Variants in FUS observed in about 807,000 individuals in gnomAD.
The protein encoded by FUS is FUS RNA binding protein.
FUS carries 5 observed loss-of-function variants against 82.7 expected under a neutral mutation model. The observed-to-expected ratio is 0.06, with a 90% CI of 0.03 to 0.13. FUS has a LOEUF of 0.13. FUS is among the 10% of genes least tolerant of loss of function. The probability of loss-of-function intolerance (pLI) is 1.00; values close to 1 mark genes in which losing one functional copy is unlikely to be tolerated. For synonymous variants in FUS, 281 were observed against 247.4 expected (o/e 1.14, Z -1.27); for missense variants, 512 against 707.8 (o/e 0.72, Z 3.14).
intron 6 of FUS, 165 bp from the exon 7 acceptor site, chr16:31,186,637 A>C: frequency 1.4e-6 from 1 of 690,418 alleles, no homozygotes; most frequent in South Asian, 1.6e-5. Flanking sequence ...TGACATGCTC[A>C]AAGGTCAGAC....
chr16:31,194,583 G>A (rs1332224014), downstream of FUS: 2 of 498,974 alleles, frequency 4.0e-6, no homozygotes, highest in Non-Finnish European at 3.9e-6. Flanking sequence ...TGGGATTAAG[G>A]TGTGAGATAC....
intron 8 of FUS, chr16:31,188,817 A>C: frequency 6.2e-6 from 3 of 483,786 alleles, no homozygotes; most frequent in Non-Finnish European, 3.7e-6. Flanking sequence ...GGGGACCTTC[A>C]ACTGAAAGTT....
At chr16:31,188,839 A>G in intron 8 of FUS, 1 of 510,536 alleles carries the variant, frequency 2.0e-6, no homozygotes, top group Non-Finnish European at 3.5e-6. Context: ...ATAAATACTG[A>G]TGGACTTTTC....
intron 12 of FUS, 65 bp downstream of exon 12, chr16:31,190,463 A>G: frequency 6.2e-7 from 1 of 1,608,312 alleles, no homozygotes; most frequent in Non-Finnish European, 8.5e-7. Flanking sequence ...ATTGGTACTG[A>G]GGTATGTGCG....
chr16:31,185,607 C>T (rs1230036551), intron 6 of FUS: 9 of 506,142 alleles, frequency 1.8e-5, no homozygotes, highest in Non-Finnish European at 3.1e-5. Flanking sequence ...GTTAACCTGA[C>T]TTCAGCTTCC....
downstream of FUS, chr16:31,191,959 C>G (rs1323250526): frequency 9.4e-6 from 5 of 533,224 alleles, no homozygotes; most frequent in South Asian, 4.6e-5. Context: ...TGGTGAGGCT[C>G]AAACAAACTA....
rs1170354879 is a variant in FUS at position 31,190,074 on chromosome 16, A to T, written c.1101A>T (p.Ser367=). 1 of 1,613,522 alleles carries T rather than the reference A, an allele frequency of 6.2e-7. No individual in the cohort carries two copies. Among genetic ancestry groups the T allele is most frequent in the Non-Finnish European group, 8.5e-7 (1 of 1,179,704 alleles). Reference sequence around the variant, plus strand: ...TCTCCGGAAATCCTATCAAGGTCTCATTTGCTACTCGCCGGGCAGACTTTA... The same window carrying T: ...TCTCCGGAAATCCTATCAAGGTCTCTTTTGCTACTCGCCGGGCAGACTTTA... ...KEFSGNPIKV[S]FATRRADFNR... is the part of the protein sequence containing the mutation. Residue 367 remains serine (S), a synonymous_variant, in exon 11 of 15, where the codon TCA becomes TCT. Transcript: ENST00000254108.
rs776940097 is a variant in FUS, at chr16:31,182,688, C to T, written c.190+24C>T. 12 of 1,613,820 alleles carry T rather than the reference C, an allele frequency of 7.4e-6. 1 individual carries two copies. Among genetic ancestry groups the T allele is most frequent in the South Asian group, 6.6e-5 (6 of 91,068 alleles). The stretch of plus-strand genomic sequence containing the variant: ...CAGTGAGTCTTTCTCAGCGGGTCAC[C>T]TCTTCCTACTCTTTCTGAATATTGC... On this transcript the variant is annotated intron_variant, in intron 3 of 14. Transcript: ENST00000254108.
chr16:31,190,905 G>T, intron 13 of FUS, 58 bp from the exon 14 acceptor site: 2 of 1,612,780 alleles, frequency 1.2e-6, no homozygotes, highest in Non-Finnish European at 1.7e-6. Flanking sequence ...TTTCAGCGGG[G>T]AGGCTCGGGG....
In FUS at chr16:31,191,016, G is replaced by A. The variant is rs1174567984; in HGVS notation, c.1447G>A (p.Gly483Ser). The A allele has an allele frequency of 8.7e-6, 14 of 1,613,830 alleles. No individual in the cohort carries two copies. The highest frequency in any genetic ancestry group is 8.3e-5 in the Admixed American group (5 of 59,990). Residue 483 changes from glycine (G) to serine (S), a missense_variant, in exon 14 of 15, where the codon GGC becomes AGC. Gly to Ser is a moderately conservative substitution (Grantham distance 56, BLOSUM62 0). Around this residue, in one of 6 missense-constraint regions of FUS, gnomAD observed 96 missense variants for 120.7 expected, o/e 0.80. Transcript: ENST00000254108. ...TGGCAGAGGAGGCTATGATCGAGGC[G>A]GCTACCGGGGCCGCGGCGGGGACCG... ...RGGRGGYDRGGYRGRGGDRGG... is the reference protein window; with the variant it reads ...RGGRGGYDRGSYRGRGGDRGG...
rs113171066 is a variant in FUS at position 31,184,903 on chromosome 16, GTTTT to G, written c.524-27_524-24del. ...TTTAGTGCTACTTTACAATCTTTTTGTTTTTTTTTTTTAATCATTCTTTCTTTTC... is the reference window on the plus strand; with the variant it reads ...TTTAGTGCTACTTTACAATCTTTTTGTTTTTTTTAATCATTCTTTCTTTTC... On this transcript the variant is annotated intron_variant, in intron 5 of 14. Transcript: ENST00000254108. The G allele has an allele frequency of 2.4e-6, 3 of 1,266,090 alleles. No homozygotes were observed. The African/African-American group carries it at 4.6e-5, about 20-fold the overall frequency. The allele number at this position is 1,266,090 out of a possible 1,614,324, so 78.4% of individuals were successfully genotyped here.
chr16:31,186,482 T>G lies in FUS; in HGVS notation c.765-320T>G, dbSNP rs2079271474. The G allele has an allele frequency of 1.5e-5, 7 of 465,730 alleles. No individual in the cohort carries two copies. The South Asian group carries it at 1.6e-4, about 11-fold the overall frequency. 28.8% of individuals were successfully genotyped at this position (465,730 alleles called of 1,614,324 possible). A position where few individuals can be genotyped will look rare whatever the true frequency, so the allele number is the denominator to read the frequency against. Reference sequence around the variant, plus strand: ...ACCAACTACTTGGTTGTCAACCACTTGCGACAAGAGGAAAAAAAAACATCT... The same window carrying G: ...ACCAACTACTTGGTTGTCAACCACTGGCGACAAGAGGAAAAAAAAACATCT... On this transcript the variant is annotated intron_variant, in intron 6 of 14. Coordinates refer to ENST00000254108, the MANE Select transcript of FUS (RefSeq NM_004960.4).
intron 14 of FUS, 22 bp from the exon 15 acceptor site, chr16:31,191,377 A>ATTTT (rs371057360): frequency 1.2e-5 from 19 of 1,527,182 alleles, no homozygotes; most frequent in Admixed American, 3.6e-5. Context: ...TGGATACTTA[A>ATTTT]TTTTTTTTTT....
In FUS at chr16:31,183,892, T is replaced by C. The variant is rs1426025939; in HGVS notation, c.225T>C (p.Tyr75=). ...GAACTCAGTCAACTCCCCAGGGATA[T>C]GGCTCGACTGGCGGCTATGGCAGTA... ...GYGTQSTPQG[Y]GSTGGYGSSQ... The change falls in exon 4 of 15, where the codon TAT becomes TAC. Residue 75 remains tyrosine, a synonymous_variant. Transcript: ENST00000254108. 1.9e-6 allele frequency: 3 copies of C among 1,614,220 alleles called. No homozygotes were observed. The highest frequency in any genetic ancestry group is 2.5e-6 in the Non-Finnish European group (3 of 1,180,028).
chr16:31,187,820 C>T (rs903376020), intron 7 of FUS: 9 of 240,304 alleles, frequency 3.7e-5, no homozygotes, highest in African/African-American at 8.8e-5. Flanking sequence ...CATGTGGTTT[C>T]GGGGAAACAA....
intron 6 of FUS, chr16:31,185,620 G>T: frequency 2.0e-6 from 1 of 497,990 alleles, no homozygotes; most frequent in South Asian, 1.6e-5. Context: ...CAGCTTCCAG[G>T]AATTGGCTAC....
At chr16:31,182,072 C>T (rs1208582277) in intron 1 of FUS, 8 of 377,982 alleles carry the variant, frequency 2.1e-5, no homozygotes, top group Non-Finnish European at 2.5e-5. Context: ...CTCACTGCAA[C>T]CTCTGCCTCC....
downstream of FUS, chr16:31,194,851 A>T (rs762048547): frequency 1.3e-5 from 6 of 475,900 alleles, no homozygotes; most frequent in South Asian, 9.3e-5. Context: ...AAAATGATTG[A>T]CTTCAGTCAT....
At chr16:31,181,674 T>A (rs1253385814) in intron 1 of FUS, among the ~76,000 whole-genome samples, 1 of 152,220 alleles carries the variant, frequency 6.6e-6, no homozygotes, top group African/African-American at 2.4e-5. Flanking sequence ...ACTGTTCGAA[T>A]TCAAACCTGT....
Sources: allele counts gnomAD v4.1 joint callset (sites outside exome capture counted in the v4.1 genomes callset), GRCh38; gene constraint gnomAD v4.1.1; regional missense constraint gnomAD v4.1.1; transcripts MANE v1.5; gene names NCBI Gene and HGNC (gene_info 2026-07-23, HGNC 2026-07-21).